The following SETD5 variants were observed in gnomAD, a reference collection of about 807,000 sequenced individuals.
SETD5 encodes histone-lysine N-methyltransferase SETD5.
SETD5 carries 44 observed loss-of-function variants against 153.3 expected under a neutral mutation model. The ratio of observed to expected loss-of-function variants is 0.29; its 90% CI spans 0.23 to 0.37. SETD5 has a LOEUF of 0.37. SETD5 is among the 10% of genes least tolerant of loss of function. The pLI, the probability that SETD5 is intolerant of heterozygous loss-of-function variation, is 1.00. For missense variants in SETD5, 1,544 were observed against 1,768.0 expected (o/e 0.87, Z 2.27); for synonymous variants, 716 against 645.2 (o/e 1.11, Z -1.66).
At chr3:9,445,471 C>G in intron 12 of SETD5, 171 bp downstream of exon 12, 1 of 941,030 alleles carries the variant, frequency 1.1e-6, no homozygotes, top group Non-Finnish European at 1.6e-6. Context: ...AAGTCAAAAA[C>G]ATCCTTTGCT....
intron 7 of SETD5, 69 bp from the exon 8 acceptor site, chr3:9,440,387 C>T: frequency 1.2e-6 from 1 of 819,152 alleles, no homozygotes; most frequent in Non-Finnish European, 2.1e-6. Context: ...CCCAGCTTGT[C>T]CCACCCCCAT....
chr3:9,411,416 A>G (rs1575202293), intron 1 of SETD5, among the ~76,000 whole-genome samples: 1 of 152,212 alleles, frequency 6.6e-6, no homozygotes, highest in Admixed American at 6.5e-5. Flanking sequence ...ATCCTTCCTA[A>G]TTACAGTATC....
intron 12 of SETD5, 132 bp downstream of exon 12, chr3:9,445,432 T>A: frequency 9.5e-7 from 1 of 1,057,322 alleles, no homozygotes; most frequent in Non-Finnish European, 1.4e-6. Context: ...GTGGGTTTAT[T>A]GTGTTCATAC....
intron 15 of SETD5, 126 bp downstream of exon 15, chr3:9,448,132 T>C (rs922221796): frequency 4.9e-6 from 6 of 1,230,016 alleles, no homozygotes; most frequent in African/African-American, 1.5e-5. Context: ...TAAAATGCTT[T>C]GACACAAAAG....
At chr3:9,417,312 A>G (rs2037613357) in intron 1 of SETD5, among the ~76,000 whole-genome samples, 1 of 152,158 alleles carries the variant, frequency 6.6e-6, no homozygotes, top group African/African-American at 2.4e-5. Flanking sequence ...CTCTTCAGTC[A>G]GGTGCTAGTG....
chr3:9,442,009 A>G, intron 9 of SETD5, 119 bp from the exon 10 acceptor site: 1 of 756,040 alleles, frequency 1.3e-6, no homozygotes, highest in Admixed American at 2.5e-5. Context: ...ATGCTTTCCC[A>G]AGTTTAGGCG....
chr3:9,451,706 A>G (rs1351734356), intron 16 of SETD5, among the ~76,000 whole-genome samples: 1 of 152,108 alleles, frequency 6.6e-6, no homozygotes, highest in Non-Finnish European at 1.5e-5. Flanking sequence ...TTGGCCTCAC[A>G]TTCTGCTGGG....
chr3:9,407,331 T>TA (rs1559347905), intron 1 of SETD5, among the ~76,000 whole-genome samples: 1 of 152,028 alleles, frequency 6.6e-6, no homozygotes. Context: ...GTGTCTCAAA[T>TA]AAATAAAAAA....
intron 1 of SETD5, among the ~76,000 whole-genome samples, chr3:9,408,109 A>G (rs1355543432): frequency 6.6e-6 from 1 of 152,096 alleles, no homozygotes; most frequent in Non-Finnish European, 1.5e-5. Flanking sequence ...CACCCGTTTC[A>G]CTCTCAAAAA....
In SETD5 at chr3:9,430,883, A is replaced by T. The variant is rs73811481; in HGVS notation, c.71+1874A>T. The T allele has an allele frequency of 1.7e-3, 1,698 of 985,446 alleles. 26 individuals carry two copies. In the African/African-American group the frequency reaches 0.028, roughly 16 times the overall value. The allele number at this position is 985,446 out of a possible 1,614,324, so 61.0% of individuals were successfully genotyped here. A position where few individuals can be genotyped will look rare whatever the true frequency, so the allele number is the denominator to read the frequency against. On this transcript the variant is annotated intron_variant, in intron 3 of 22. Transcript: ENST00000402198. ...CACCAACATATCCTAGGATTTCCTG[A>T]AACATTTTCATTCATGATCTCCAGA... is the stretch of plus-strand genomic sequence containing the variant.
intron 18 of SETD5, chr3:9,468,573 G>A (rs1261011042): frequency 3.8e-6 from 5 of 1,304,090 alleles, no homozygotes; most frequent in Non-Finnish European, 3.0e-6. Flanking sequence ...CCTGTCACCC[G>A]AGGTAGTTAT....
chr3:9,430,563 G>A (rs576153381), intron 3 of SETD5: 1 of 199,414 alleles, frequency 5.0e-6, no homozygotes. Flanking sequence ...TTAGTAGGTA[G>A]CCAGTTTGTA....
At chr3:9,440,430 A>G (rs1235136078) in intron 7 of SETD5, 26 bp from the exon 8 acceptor site, 2 of 1,268,830 alleles carry the variant, frequency 1.6e-6, no homozygotes, top group Non-Finnish European at 2.3e-6. Context: ...GGACTTTACT[A>G]ACCTCCCTGA....
At chr3:9,407,385 C>T (rs2035870073) in intron 1 of SETD5, among the ~76,000 whole-genome samples, 1 of 151,974 alleles carries the variant, frequency 6.6e-6, no homozygotes. Flanking sequence ...AACCCTAGGC[C>T]ATGTGTGGAG....
chr3:9,432,385 C>T, intron 3 of SETD5: 3 of 532,626 alleles, frequency 5.6e-6, no homozygotes, highest in Non-Finnish European at 7.2e-6. Context: ...TGACATTGCA[C>T]CACATTGAAC....
At chr3:9,430,423 T>G in intron 3 of SETD5, 1 of 834,886 alleles carries the variant, frequency 1.2e-6, no homozygotes, top group Non-Finnish European at 1.4e-6. Context: ...CTAGAGCTTT[T>G]TTCTTCTTTT....
At chr3:9,427,392 G>A (rs1434191711) in intron 2 of SETD5, among the ~76,000 whole-genome samples, 2 of 151,974 alleles carry the variant, frequency 1.3e-5, no homozygotes, top group Non-Finnish European at 2.9e-5. Flanking sequence ...TCTACTAAAA[G>A]TACAAAAATT....
chr3:9,430,514 A>C (rs1188106908), intron 3 of SETD5: 3 of 259,884 alleles, frequency 1.2e-5, no homozygotes, highest in Non-Finnish European at 1.8e-5. Context: ...CCATTTTACA[A>C]CTCTTTCCCC....
intron 19 of SETD5, among the ~76,000 whole-genome samples, 169 bp downstream of exon 19, chr3:9,471,098 T>C (rs150710366): frequency 1.3e-5 from 2 of 152,314 alleles, no homozygotes; most frequent in East Asian, 3.9e-4. Context: ...TTGGTGAATG[T>C]TGTAAATATT....
Sources: allele counts gnomAD v4.1 joint callset (sites outside exome capture counted in the v4.1 genomes callset), GRCh38; gene constraint gnomAD v4.1.1; transcripts MANE v1.5; gene names NCBI Gene and HGNC (gene_info 2026-07-23, HGNC 2026-07-21).